Variants in ARMH1 observed in about 807,000 individuals in gnomAD.
The protein encoded by ARMH1 is armadillo-like helical domain containing protein 1.
Under a neutral mutation model 50.2 loss-of-function variants are expected in ARMH1, and 34 were observed. That is an observed-to-expected ratio of 0.68 (90% CI 0.51 to 0.90). The LOEUF (loss-of-function observed/expected upper bound fraction) is 0.90, where lower values mean the gene tolerates loss of function less well. Ranked by LOEUF, ARMH1 falls within the 40% of genes least tolerant of loss-of-function variation. ARMH1 has a pLI of 0.00. For synonymous variants in ARMH1, 221 were observed against 224.2 expected, an observed-to-expected ratio of 0.99 and a Z score of 0.13; for missense variants, 538 against 553.9, an observed-to-expected ratio of 0.97 and a Z score of 0.29.
At chr1:44,677,738 G>C (rs568058724) in intron 1 of ARMH1, among the ~76,000 whole-genome samples, 79 of 152,296 alleles carry the variant, frequency 5.2e-4, no homozygotes, top group African/African-American at 1.8e-3. Flanking sequence ...GAGGATGCCC[G>C]TGAGCTAGGT....
chr1:44,693,496 G>T (rs1237689932), intron 2 of ARMH1, among the ~76,000 whole-genome samples: 1 of 152,028 alleles, frequency 6.6e-6, no homozygotes, highest in Non-Finnish European at 1.5e-5. Context: ...TGTCACCCAG[G>T]CTGGAGCACA....
At chr1:44,700,878 TCATAAATCCC>T (rs1223251782) in intron 4 of ARMH1, 35 bp from the exon 5 acceptor site, 4 of 1,456,400 alleles carry the variant, frequency 2.7e-6, no homozygotes, top group Admixed American at 2.5e-5. Flanking sequence ...GGGGATTTTT[TCATAAATCCC>T]TTCCAATTTA....
chr1:44,689,655 C>G, intron 1 of ARMH1, 21 bp from the exon 2 acceptor site: 1 of 1,519,672 alleles, frequency 6.6e-7, no homozygotes, highest in South Asian at 1.2e-5. Context: ...GGTAACCTGT[C>G]TCTTTTCCCT....
intron 5 of ARMH1, among the ~76,000 whole-genome samples, chr1:44,702,243 C>T (rs1009624629): frequency 3.9e-5 from 6 of 152,184 alleles, no homozygotes; most frequent in East Asian, 1.9e-4. Context: ...CTATAGCTGA[C>T]GGAGGCAGAT....
chr1:44,687,633 G>A (rs1047819463), intron 1 of ARMH1, among the ~76,000 whole-genome samples: 3 of 152,118 alleles, frequency 2.0e-5, no homozygotes, highest in Admixed American at 1.3e-4. Flanking sequence ...CAGATCTCAT[G>A]TTCTTCCACT....
chr1:44,704,378 T>C (rs1298016707), intron 6 of ARMH1, among the ~76,000 whole-genome samples: 1 of 152,206 alleles, frequency 6.6e-6, no homozygotes, highest in Non-Finnish European at 1.5e-5. Flanking sequence ...GTTACGAGAA[T>C]CTGCCTGGGT....
chr1:44,701,760 C>T (rs1646092275), intron 5 of ARMH1, among the ~76,000 whole-genome samples: 1 of 151,934 alleles, frequency 6.6e-6, no homozygotes, highest in Non-Finnish European at 1.5e-5. Context: ...GAAACCCTGT[C>T]TCTACTAAAA....
At chr1:44,678,559 T>G (rs1645207953) in intron 1 of ARMH1, among the ~76,000 whole-genome samples, 1 of 152,042 alleles carries the variant, frequency 6.6e-6, no homozygotes, top group African/African-American at 2.4e-5. Context: ...ACACCTTGTT[T>G]GGAAGTTTGA....
intron 5 of ARMH1, among the ~76,000 whole-genome samples, chr1:44,702,215 G>T (rs1016157293): frequency 3.3e-5 from 5 of 152,098 alleles, no homozygotes; most frequent in Admixed American, 3.3e-4. Context: ...TTATCTACAC[G>T]CTCTCTCTTA....
chr1:44,684,038 C>T (rs1164008539), intron 1 of ARMH1, among the ~76,000 whole-genome samples: 3 of 151,524 alleles, frequency 2.0e-5, no homozygotes, highest in East Asian at 3.9e-4. Context: ...AGTGTGTGTG[C>T]GTATGGTGTG....
rs555746375 is a variant in ARMH1, at chr1:44,675,833, A to G, written c.-23+960A>G. On this transcript the variant is annotated intron_variant, in intron 1 of 11. Transcript: ENST00000535358. ...AAATTAGCCGGGCATGGTGGTGCACACCTGTAATCCCAGCTACTTGGGAGG... is the reference window on the plus strand; with the variant it reads ...AAATTAGCCGGGCATGGTGGTGCACGCCTGTAATCCCAGCTACTTGGGAGG... 3.7e-3 allele frequency among the ~76,000 whole-genome samples: 560 copies of G among 151,396 alleles called. 6 individuals carry two copies. The highest frequency in any genetic ancestry group is 0.012 in the African/African-American group (514 of 41,168).
At chr1:44,719,460 AGT>A (rs1646994873) in intron 6 of ARMH1, among the ~76,000 whole-genome samples, 1 of 152,284 alleles carries the variant, frequency 6.6e-6, no homozygotes, top group African/African-American at 2.4e-5. Context: ...TGAGCCCTGG[AGT>A]GGAGAAGTCA....
At chr1:44,716,363 G>A (rs754613215) in intron 6 of ARMH1, among the ~76,000 whole-genome samples, 1 of 152,140 alleles carries the variant, frequency 6.6e-6, no homozygotes, top group Non-Finnish European at 1.5e-5. Context: ...CCAAGGAGGT[G>A]GGCACTATTA....
chr1:44,720,235 A>G (rs1050789745), intron 6 of ARMH1, among the ~76,000 whole-genome samples: 3 of 148,510 alleles, frequency 2.0e-5, no homozygotes, highest in African/African-American at 7.5e-5. Context: ...GCCATGGGGT[A>G]TACGGGGAGA....
Position 44,689,724 on chromosome 1 carries a change from A to G in ARMH1, c.27A>G (p.Ala9=). ...TGACTTCTATAAAGGAGCAGGCAGC[A>G]ATTAGCAGGCTCTTAAGTTTTTTAC... The part of the protein sequence containing the change: MTSIKEQA[A]ISRLLSFLQE... Residue 9 remains alanine, a synonymous_variant, in exon 2 of 12, where the codon GCA becomes GCG. Coordinates refer to ENST00000535358, the MANE Select transcript of ARMH1 (RefSeq NM_001145636.2). 6.4e-7 allele frequency: 1 copy of G among 1,552,028 alleles called. No homozygotes were observed. The highest frequency in any genetic ancestry group is 1.2e-5 in the South Asian group (1 of 84,054).
At position 44,724,693 on chromosome 1, in the gene ARMH1, G is replaced by A. The variant is rs775079760; in HGVS notation, c.1050+25G>A. ...GGTGCGCGCGGCGGCTGGTTAGGGGGCGGGAAGGGCGGCGGCACCCGCAGC... is the reference window on the plus strand; with the variant it reads ...GGTGCGCGCGGCGGCTGGTTAGGGGACGGGAAGGGCGGCGGCACCCGCAGC... On this transcript the variant is annotated intron_variant, in intron 9 of 11. Transcript: ENST00000535358. The surrounding 1 kb of genome is among the most constrained non-coding windows in gnomAD (Gnocchi z 6.4). 4 of 1,480,056 alleles carry A rather than the reference G, an allele frequency of 2.7e-6. No homozygotes were observed. Among genetic ancestry groups the A allele is most frequent in the East Asian group, 5.5e-5 (2 of 36,094 alleles). The allele number at this position is 1,480,056 out of a possible 1,614,324, so 91.7% of individuals were successfully genotyped here. A position where few individuals can be genotyped will look rare whatever the true frequency, so the allele number is the denominator to read the frequency against.
intron 1 of ARMH1, among the ~76,000 whole-genome samples, chr1:44,685,904 G>A (rs1274649544): frequency 6.6e-6 from 1 of 152,178 alleles, no homozygotes; most frequent in Non-Finnish European, 1.5e-5. Flanking sequence ...AGGATTACAG[G>A]CGTGAGCCAC....
At chr1:44,712,668 CTTTTTTTT>C (rs1016685704) in intron 6 of ARMH1, among the ~76,000 whole-genome samples, 1 of 139,000 alleles carries the variant, frequency 7.2e-6, no homozygotes, top group Non-Finnish European at 1.6e-5. Context: ...CTTCTTTTTT[CTTTTTTTT>C]TTTTTGAGAT....
In ARMH1 at chr1:44,724,213, GA is replaced by G; in HGVS notation, c.817del (p.Ile273SerfsTer42). The G allele has an allele frequency of 6.4e-7, 1 of 1,551,744 alleles. No individual in the cohort carries two copies. The highest frequency in any genetic ancestry group is 1.2e-5 in the South Asian group (1 of 84,062). On this transcript the variant is annotated frameshift_variant, in exon 7 of 12. Transcript: ENST00000535358. LOFTEE classifies it high-confidence loss of function. The surrounding 1 kb of genome is among the most constrained non-coding windows in gnomAD (Gnocchi z 6.4). ...CGCTGCTGATACCGTCGGTCAAGGA[GA>G]TCTCCAAACTGCAGGCCAAGATCCT... ...VALLIPSVKEISKLQAKILSD... is the reference protein window; with the variant it reads ...VALLIPSVKEXSKLQAKILSD...
Sources: gnomAD v4.1 joint callset for allele counts (sites outside exome capture counted in the v4.1 genomes callset) on GRCh38, gnomAD v4.1.1 for gene constraint, Gnocchi (gnomAD v3.1) non-coding constraint, MANE v1.5 for transcripts, NCBI Gene and HGNC (gene_info 2026-07-23, HGNC 2026-07-21) for gene names.